The following DGKI variants were observed in gnomAD, a reference collection of about 807,000 sequenced individuals.
DGKI encodes DAG kinase iota.
DGKI carries 55 observed loss-of-function variants against 147.5 expected under a neutral mutation model. The ratio of observed to expected loss-of-function variants is 0.37; its 90% CI spans 0.30 to 0.47. The LOEUF (loss-of-function observed/expected upper bound fraction) is 0.47, where lower values mean the gene tolerates loss of function less well. Among genes scored for constraint, DGKI ranks in the 20% least tolerant of loss-of-function variants. The pLI is 1.00. For missense variants in DGKI, 1,007 were observed against 1,323.8 expected, an observed-to-expected ratio of 0.76 and a Z score of 3.71; for synonymous variants, 469 against 477.1, an observed-to-expected ratio of 0.98 and a Z score of 0.22.
intron 6 of DGKI, among the ~76,000 whole-genome samples, chr7:137,637,558 G>A (rs1196304619): frequency 6.6e-6 from 1 of 152,188 alleles, no homozygotes; most frequent in Non-Finnish European, 1.5e-5. Context: ...AAACCAACTT[G>A]AAGGTACTTT....
At chr7:137,806,650 G>C (rs1044527446) in intron 1 of DGKI, among the ~76,000 whole-genome samples, 3 of 152,094 alleles carry the variant, frequency 2.0e-5, no homozygotes, top group Non-Finnish European at 2.9e-5. Context: ...AGCCAGGATG[G>C]TCTCGATCTC....
intron 27 of DGKI, among the ~76,000 whole-genome samples, chr7:137,458,222 CA>C (rs1814280272): frequency 6.6e-6 from 1 of 152,158 alleles, no homozygotes; most frequent in South Asian, 2.1e-4. Flanking sequence ...TATAGTTAAA[CA>C]TTTGATAGCA....
At chr7:137,670,829 C>CACCCCAGA (rs1304664370) in intron 3 of DGKI, among the ~76,000 whole-genome samples, 6 of 152,150 alleles carry the variant, frequency 3.9e-5, no homozygotes, top group African/African-American at 1.4e-4. Flanking sequence ...CATGAGTCTG[C>CACCCCAGA]TGTGCCAGAC....
At chr7:137,554,095 G>A (rs886310048) in intron 19 of DGKI, among the ~76,000 whole-genome samples, 3 of 152,126 alleles carry the variant, frequency 2.0e-5, no homozygotes, top group South Asian at 2.1e-4. Flanking sequence ...TGTCAATGCC[G>A]CCCCTACCGG....
chr7:137,754,276 C>T (rs1489374194), intron 1 of DGKI, among the ~76,000 whole-genome samples: 2 of 152,124 alleles, frequency 1.3e-5, no homozygotes, highest in Non-Finnish European at 2.9e-5. Context: ...CCACATCCAC[C>T]CCCTGTCCCC....
At chr7:137,401,653 G>A (rs1404554157) in intron 30 of DGKI, among the ~76,000 whole-genome samples, 2 of 152,250 alleles carry the variant, frequency 1.3e-5, no homozygotes, top group South Asian at 2.1e-4. Context: ...AAGGAATTTC[G>A]AGGGAGATCA....
At chr7:137,455,936 G>T (rs905289088) in intron 27 of DGKI, among the ~76,000 whole-genome samples, 2 of 152,080 alleles carry the variant, frequency 1.3e-5, no homozygotes, top group African/African-American at 4.8e-5. Flanking sequence ...ATTTCAAAAT[G>T]ATCACTCTTT....
intron 1 of DGKI, among the ~76,000 whole-genome samples, chr7:137,698,368 A>T (rs1279738703): frequency 6.6e-6 from 1 of 152,200 alleles, no homozygotes; most frequent in East Asian, 1.9e-4. Context: ...CAGGGATTAA[A>T]GGAGGCAGGA....
chr7:137,640,742 T>C (rs1821596090), intron 6 of DGKI, among the ~76,000 whole-genome samples: 1 of 152,232 alleles, frequency 6.6e-6, no homozygotes, highest in South Asian at 2.1e-4. Flanking sequence ...TGAACTAGTT[T>C]TAAACACTTT....
chr7:137,453,835 T>C (rs1404812442), intron 27 of DGKI, among the ~76,000 whole-genome samples: 1 of 152,166 alleles, frequency 6.6e-6, no homozygotes, highest in Non-Finnish European at 1.5e-5. Context: ...ACCAATTCCC[T>C]TTATTATCAT....
rs372984668 is a variant in DGKI at position 137,653,128 on chromosome 7, TTG to T, written c.738+1602_738+1603del. Reference sequence around the variant, plus strand: ...GGTGTGTGTGTGTGTGTATGTGTGTTTGTGTGTGTGTGTGTGCGCGCGCGTGC... The same window carrying T: ...GGTGTGTGTGTGTGTGTATGTGTGTTTGTGTGTGTGTGTGCGCGCGCGTGC... On this transcript the variant is annotated intron_variant, in intron 5 of 32. Coordinates refer to ENST00000614521, the MANE Select transcript of DGKI (RefSeq NM_001321708.2). Among the ~76,000 whole-genome samples, 367 of 151,812 alleles carry T rather than the reference TTG, an allele frequency of 2.4e-3. 1 individual carries two copies. Among genetic ancestry groups the T allele is most frequent in the African/African-American group, 8.2e-3 (338 of 41,466 alleles).
intron 20 of DGKI, among the ~76,000 whole-genome samples, chr7:137,549,097 A>G (rs1357534450): frequency 6.6e-6 from 1 of 152,220 alleles, no homozygotes; most frequent in East Asian, 1.9e-4. Flanking sequence ...GAACAGGACA[A>G]ATGAATGGAT....
intron 28 of DGKI, among the ~76,000 whole-genome samples, chr7:137,441,762 T>C (rs556943690): frequency 6.6e-6 from 1 of 152,350 alleles, no homozygotes; most frequent in South Asian, 2.1e-4. Flanking sequence ...AGGTTTTATA[T>C]TCCAATTTCA....
intron 1 of DGKI, among the ~76,000 whole-genome samples, chr7:137,762,507 C>A (rs992969309): frequency 3.3e-5 from 5 of 152,216 alleles, no homozygotes; most frequent in African/African-American, 1.2e-4. Flanking sequence ...CAGTTCTCTG[C>A]CATTGATGAG....
chr7:137,674,866 T>C (rs1172797033), intron 3 of DGKI, among the ~76,000 whole-genome samples: 1 of 152,136 alleles, frequency 6.6e-6, no homozygotes, highest in Non-Finnish European at 1.5e-5. Flanking sequence ...TCTCTTAACT[T>C]CTACTTGTGA....
intron 3 of DGKI, among the ~76,000 whole-genome samples, chr7:137,660,449 C>T (rs1822384395): frequency 6.6e-6 from 1 of 152,204 alleles, no homozygotes; most frequent in South Asian, 2.1e-4. Flanking sequence ...GCTGCAGGCC[C>T]TGCTGGCATT....
intron 1 of DGKI, among the ~76,000 whole-genome samples, chr7:137,763,115 G>T (rs1344029256): frequency 6.6e-6 from 1 of 152,212 alleles, no homozygotes; most frequent in African/African-American, 2.4e-5. Flanking sequence ...TCTCTGGTTA[G>T]GTACTCATTC....
intron 1 of DGKI, among the ~76,000 whole-genome samples, chr7:137,724,764 G>A (rs1794673174): frequency 6.6e-6 from 1 of 152,226 alleles, no homozygotes; most frequent in African/African-American, 2.4e-5. Context: ...GAGATGTCAA[G>A]TAGGAGGTGT....
chr7:137,617,868 T>C (rs1326182344), intron 8 of DGKI, among the ~76,000 whole-genome samples: 1 of 151,628 alleles, frequency 6.6e-6, no homozygotes, highest in Non-Finnish European at 1.5e-5. Context: ...AAAATGAAAA[T>C]ATGAAGTAGC....
Sources: allele counts gnomAD v4.1 joint callset (sites outside exome capture counted in the v4.1 genomes callset), GRCh38; gene constraint gnomAD v4.1.1; transcripts MANE v1.5; gene names NCBI Gene and HGNC (gene_info 2026-07-23, HGNC 2026-07-21).